The following DSCAM variants were observed in gnomAD, a reference collection of about 807,000 sequenced individuals.
DSCAM encodes cell adhesion molecule DSCAM.
A neutral mutation model predicts 217.7 loss-of-function variants in DSCAM; 47 were observed. The observed-to-expected ratio is 0.22, with a 90% CI of 0.17 to 0.28. DSCAM has a LOEUF of 0.28. Ranked by LOEUF, DSCAM falls within the 10% of genes least tolerant of loss-of-function variation. The probability of loss-of-function intolerance (pLI) is 1.00; values close to 1 mark genes in which losing one functional copy is unlikely to be tolerated. For synonymous variants in DSCAM, 1,056 were observed against 1,015.3 expected (o/e 1.04, Z -0.76); for missense variants, 2,080 against 2,618.3 (o/e 0.79, Z 4.49).
chr21:40,115,653 A>T (rs1253682477), intron 20 of DSCAM, among the ~76,000 whole-genome samples: 1 of 152,196 alleles, frequency 6.6e-6, no homozygotes, highest in African/African-American at 2.4e-5. Context: ...CCAAAAAATA[A>T]CAGATGCTGG....
In DSCAM at chr21:40,637,864, C is replaced by T. The variant is rs1001302022; in HGVS notation, c.508+54946G>A. Among the ~76,000 whole-genome samples, 12 of 150,860 alleles carry T rather than the reference C, an allele frequency of 8.0e-5. No individual in the cohort carries two copies. The South Asian group carries it at 1.3e-3, about 16-fold the overall frequency. ...ATTTTTGTAGTTTTACAAAAAACCC[C>T]GTAGAGATGGGGTTTCACCATATTG... On this transcript the variant is annotated intron_variant, in intron 3 of 32. Coordinates refer to ENST00000400454, the MANE Select transcript of DSCAM (RefSeq NM_001389.5).
intron 1 of DSCAM, among the ~76,000 whole-genome samples, chr21:40,802,637 A>C (rs1026254198): frequency 6.6e-5 from 10 of 152,178 alleles, no homozygotes; most frequent in Admixed American, 5.2e-4. Context: ...TCATGGATTC[A>C]TGGGTTATCA....
intron 1 of DSCAM, among the ~76,000 whole-genome samples, chr21:40,765,571 T>C (rs757980967): frequency 5.3e-5 from 8 of 152,086 alleles, no homozygotes; most frequent in Non-Finnish European, 1.0e-4. Context: ...CCAGGCATCA[T>C]AGAAGCAATG....
chr21:40,579,874 C>T (rs1169912865), intron 3 of DSCAM, among the ~76,000 whole-genome samples: 1 of 152,040 alleles, frequency 6.6e-6, no homozygotes, highest in Admixed American at 6.5e-5. Context: ...GGGTGTCACA[C>T]TCACATGTGG....
intron 2 of DSCAM, among the ~76,000 whole-genome samples, chr21:40,706,923 G>C (rs2090724131): frequency 6.6e-6 from 1 of 152,164 alleles, no homozygotes; most frequent in Non-Finnish European, 1.5e-5. Flanking sequence ...TAGGGTTTCA[G>C]ATGTCAAGAA....
rs1491097502 is a variant in DSCAM at position 40,518,370 on chromosome 21, TAA to T, written c.509-149127_509-149126del. On this transcript the variant is annotated intron_variant, in intron 3 of 32. Coordinates refer to ENST00000400454, the MANE Select transcript of DSCAM (RefSeq NM_001389.5). Reference sequence around the variant, plus strand: ...AATGCAGTTTGCCCATATATATATATAATATATATATAATATATTATATATAT... The same window carrying T: ...AATGCAGTTTGCCCATATATATATATTATATATATAATATATTATATATAT... Among the ~76,000 whole-genome samples the T allele has an allele frequency of 8.1e-4, 35 of 43,474 alleles. 1 individual carries two copies. In the East Asian group the frequency reaches 9.6e-3, roughly 12 times the overall value. The allele number at this position is 43,474 out of a possible 152,430, so 28.5% of individuals were successfully genotyped here. A position where few individuals can be genotyped will look rare whatever the true frequency, so the allele number is the denominator to read the frequency against.
At chr21:40,083,847 A>G in intron 24 of DSCAM, 61 bp downstream of exon 24, 1 of 1,368,110 alleles carries the variant, frequency 7.3e-7, no homozygotes, top group Non-Finnish European at 1.0e-6. Context: ...AAGATGTGTC[A>G]CTTATTGGCA....
At chr21:40,724,140 T>C (rs2090930516) in intron 1 of DSCAM, among the ~76,000 whole-genome samples, 1 of 152,174 alleles carries the variant, frequency 6.6e-6, no homozygotes. Flanking sequence ...ATAGAATCTG[T>C]AATGAATAAT....
chr21:40,383,425 A>G (rs546678118), intron 3 of DSCAM: 5 of 152,342 alleles, frequency 3.3e-5, no homozygotes, highest in African/African-American at 1.2e-4. Context: ...AGCTGATAAG[A>G]CGCTATAGAG....
chr21:40,720,063 CA>C (rs1232270277), intron 1 of DSCAM, among the ~76,000 whole-genome samples: 1 of 152,178 alleles, frequency 6.6e-6, no homozygotes, highest in Non-Finnish European at 1.5e-5. Flanking sequence ...CAACAGTTTT[CA>C]ACACTGTCAA....
intron 3 of DSCAM, among the ~76,000 whole-genome samples, chr21:40,686,445 T>C (rs2090479638): frequency 6.6e-6 from 1 of 151,984 alleles, no homozygotes; most frequent in South Asian, 2.1e-4. Context: ...CACACATATG[T>C]GGACACGCAC....
chr21:40,679,756 T>A (rs2090379975), intron 3 of DSCAM, among the ~76,000 whole-genome samples: 1 of 152,098 alleles, frequency 6.6e-6, no homozygotes, highest in South Asian at 2.1e-4. Flanking sequence ...AAGTAAAGAG[T>A]TGTTTATTTT....
chr21:40,186,166 A>G (rs761338263), intron 14 of DSCAM, among the ~76,000 whole-genome samples: 1 of 152,034 alleles, frequency 6.6e-6, no homozygotes, highest in Non-Finnish European at 1.5e-5. Flanking sequence ...TGCAGTCACC[A>G]TTTCCTGGCT....
chr21:40,205,101 CAG>C (rs2091110103), intron 11 of DSCAM, among the ~76,000 whole-genome samples: 1 of 152,208 alleles, frequency 6.6e-6, no homozygotes, highest in Admixed American at 6.5e-5. Flanking sequence ...CAGCAACTCT[CAG>C]GGGGTTTTTA....
At position 40,743,307 on chromosome 21, in the gene DSCAM, T is replaced by C. The variant is rs75160058; in HGVS notation, c.44-34536A>G. ...CTAATAGACTCCCCATTCAATACCATCTTGCCCAAAATAAATTGTTTCTGC... is the reference window on the plus strand; with the variant it reads ...CTAATAGACTCCCCATTCAATACCACCTTGCCCAAAATAAATTGTTTCTGC... On this transcript the variant is annotated intron_variant, in intron 1 of 32. Transcript: ENST00000400454. 8.5e-5 allele frequency among the ~76,000 whole-genome samples: 13 copies of C among 152,290 alleles called. No individual in the cohort carries two copies. The East Asian group carries it at 2.5e-3, about 29-fold the overall frequency.
At chr21:40,182,670 A>T (rs866459958) in intron 14 of DSCAM, among the ~76,000 whole-genome samples, 9 of 17,036 alleles carry the variant, frequency 5.3e-4, no homozygotes, top group African/African-American at 1.9e-3. Context: ...AACCGTGGAC[A>T]GGGGGGGGTT....
chr21:40,360,649 C>CT (rs2074752536), intron 4 of DSCAM, among the ~76,000 whole-genome samples: 1 of 152,092 alleles, frequency 6.6e-6, no homozygotes, highest in African/African-American at 2.4e-5. Context: ...AGATTTCATT[C>CT]TTTTTTATGG....
intron 21 of DSCAM, among the ~76,000 whole-genome samples, chr21:40,088,888 G>A (rs564949725): frequency 1.3e-5 from 2 of 152,218 alleles, no homozygotes; most frequent in Non-Finnish European, 2.9e-5. Flanking sequence ...AGCTACACAT[G>A]CATTGGGATG....
intron 11 of DSCAM, among the ~76,000 whole-genome samples, chr21:40,259,839 T>C (rs1207099620): frequency 1.3e-5 from 2 of 151,666 alleles, no homozygotes; most frequent in East Asian, 1.9e-4. Context: ...ACACCTGTTA[T>C]AAATGACCCT....
Sources: gnomAD v4.1 joint callset for allele counts (sites outside exome capture counted in the v4.1 genomes callset) on GRCh38, gnomAD v4.1.1 for gene constraint, MANE v1.5 for transcripts, NCBI Gene and HGNC (gene_info 2026-07-23, HGNC 2026-07-21) for gene names.